The following PPM1E variants were observed in gnomAD, a reference collection of about 807,000 sequenced individuals.
PPM1E encodes the protein protein phosphatase, Mg2+/Mn2+ dependent 1E.
PPM1E carries 20 observed loss-of-function variants against 65.9 expected under a neutral mutation model. The observed-to-expected ratio is 0.30, with a 90% confidence interval of 0.21 to 0.44. The LOEUF is 0.44. Ranked by LOEUF, PPM1E falls within the 20% of genes least tolerant of loss-of-function variation. The pLI, the probability that PPM1E is intolerant of heterozygous loss-of-function variation, is 1.00. For missense variants in PPM1E, 713 were observed against 953.1 expected (o/e 0.75, Z 3.32); for synonymous variants, 352 against 374.9 (o/e 0.94, Z 0.70).
At chr17:58,785,168 A>G (rs947073223) in intron 1 of PPM1E, among the ~76,000 whole-genome samples, 1 of 151,928 alleles carries the variant, frequency 6.6e-6, no homozygotes, top group Non-Finnish European at 1.5e-5. Flanking sequence ...TTGGAGTTCA[A>G]TTTGATTCTT....
chr17:58,870,777 C>T (rs1019507244), intron 1 of PPM1E, among the ~76,000 whole-genome samples: 1 of 152,142 alleles, frequency 6.6e-6, no homozygotes, highest in Admixed American at 6.6e-5. Context: ...AAACATGAAT[C>T]CAGCTTACGT....
At chr17:58,973,586 G>A (rs2030789545) in intron 6 of PPM1E, among the ~76,000 whole-genome samples, 1 of 151,752 alleles carries the variant, frequency 6.6e-6, no homozygotes, top group East Asian at 1.9e-4. Context: ...AGGCTGAAGA[G>A]GGTTTGAGCC....
intron 1 of PPM1E, among the ~76,000 whole-genome samples, chr17:58,796,935 G>T (rs766435851): frequency 6.6e-6 from 1 of 151,998 alleles, no homozygotes; most frequent in Non-Finnish European, 1.5e-5. Flanking sequence ...GTGAAACCCC[G>T]TCTCTACTAA....
At chr17:58,756,796 C>G (rs1472124059) in intron 1 of PPM1E, among the ~76,000 whole-genome samples, 2 of 152,212 alleles carry the variant, frequency 1.3e-5, no homozygotes, top group East Asian at 3.9e-4. Context: ...CGCAACCTTT[C>G]CCTTTCCTGC....
At chr17:58,846,900 T>G (rs2050777409) in intron 1 of PPM1E, among the ~76,000 whole-genome samples, 1 of 152,164 alleles carries the variant, frequency 6.6e-6, no homozygotes, top group Non-Finnish European at 1.5e-5. Context: ...TGTAAAAGTG[T>G]TCCTATTTCT....
rs79690709 is a variant in PPM1E, at chr17:58,865,915, C to G, written c.465-89734C>G. Among the ~76,000 whole-genome samples, 15 of 152,224 alleles carry G rather than the reference C, an allele frequency of 9.9e-5. 1 individual carries two copies. The East Asian group carries it at 2.9e-3, about 29-fold the overall frequency. On this transcript the variant is annotated intron_variant, in intron 1 of 6. Coordinates refer to ENST00000308249, the MANE Select transcript of PPM1E (RefSeq NM_014906.5). The stretch of plus-strand genomic sequence containing the variant: ...ATCTAAACAGCATTATTTGCTGAGA[C>G]AAAGAAGGCCATAGGTAAAGGGCCA...
At chr17:58,794,025 C>G (rs144584741) in intron 1 of PPM1E, among the ~76,000 whole-genome samples, 40 of 152,160 alleles carry the variant, frequency 2.6e-4, no homozygotes, top group African/African-American at 7.2e-4. Flanking sequence ...TCACTACAAC[C>G]TCCGCGTCCT....
At chr17:58,921,225 A>G (rs2051746033) in intron 1 of PPM1E, among the ~76,000 whole-genome samples, 1 of 152,246 alleles carries the variant, frequency 6.6e-6, no homozygotes, top group Non-Finnish European at 1.5e-5. Context: ...GTTTGATTGT[A>G]AAGGGCAGCA....
chr17:58,824,654 T>C (rs902661514), intron 1 of PPM1E, among the ~76,000 whole-genome samples: 7 of 151,724 alleles, frequency 4.6e-5, no homozygotes, highest in Non-Finnish European at 7.4e-5. Flanking sequence ...AGTGGCGTGA[T>C]CTCAGCTCAC....
At chr17:58,824,628 G>A (rs200268926) in intron 1 of PPM1E, among the ~76,000 whole-genome samples, 4 of 149,148 alleles carry the variant, frequency 2.7e-5, no homozygotes, top group Admixed American at 6.7e-5. Flanking sequence ...CTCGCTCGTC[G>A]CCCAGGCTGG....
intron 1 of PPM1E, among the ~76,000 whole-genome samples, chr17:58,863,983 G>A (rs2050971983): frequency 6.6e-6 from 1 of 151,800 alleles, no homozygotes; most frequent in Non-Finnish European, 1.5e-5. Context: ...AAATGGGGAT[G>A]TGAAGTTCTC....
rs565817042 is a variant in PPM1E, at chr17:58,949,856, T to C, written c.465-5793T>C. Among the ~76,000 whole-genome samples, 9 of 152,354 alleles carry C rather than the reference T, an allele frequency of 5.9e-5. No individual in the cohort carries two copies. The South Asian group carries it at 1.7e-3, about 28-fold the overall frequency. ...GAAAGATTTTATTTCTCCTTCATTT[T>C]TGAAGAATAGCTTTCCTGGGTATAA... On this transcript the variant is annotated intron_variant, in intron 1 of 6. Coordinates refer to ENST00000308249, the MANE Select transcript of PPM1E (RefSeq NM_014906.5).
At position 58,755,947 on chromosome 17, in the gene PPM1E, C is replaced by T. The variant is rs766969519; in HGVS notation, c.-51C>T. On this transcript the variant is annotated 5_prime_UTR_variant, in exon 1 of 7. Coordinates refer to ENST00000308249, the MANE Select transcript of PPM1E (RefSeq NM_014906.5). ...GGCTCAAAAGCAGCCCCTTACCCTT[C>T]CTGGGCTTCCCCCAACCCCTTTCCC... is the stretch of plus-strand genomic sequence containing the variant. The T allele has an allele frequency of 6.2e-7, 1 of 1,611,256 alleles. No homozygotes were observed. The highest frequency in any genetic ancestry group is 1.1e-5 in the South Asian group (1 of 90,620).
At chr17:58,868,837 A>G (rs2051037254) in intron 1 of PPM1E, among the ~76,000 whole-genome samples, 2 of 152,238 alleles carry the variant, frequency 1.3e-5, no homozygotes, top group Non-Finnish European at 2.9e-5. Flanking sequence ...TTTCTTTATT[A>G]TAATTGCTAA....
At chr17:58,813,264 G>A (rs2050386881) in intron 1 of PPM1E, among the ~76,000 whole-genome samples, 1 of 151,998 alleles carries the variant, frequency 6.6e-6, no homozygotes, top group Non-Finnish European at 1.5e-5. Flanking sequence ...TTTTGCCTTG[G>A]CTACCTTGTA....
rs1355575171 is a variant in PPM1E, at chr17:58,815,335, C to T, written c.464+58874C>T. Among the ~76,000 whole-genome samples the T allele has an allele frequency of 3.3e-5, 5 of 152,224 alleles. No individual in the cohort carries two copies. The East Asian group carries it at 9.6e-4, about 29-fold the overall frequency. The stretch of plus-strand genomic sequence containing the variant: ...ACTATTTGGTGTCTTATGTGATTTG[C>T]TACTATTTGTAAACTAAAATTTTTA... On this transcript the variant is annotated intron_variant, in intron 1 of 6. Coordinates refer to ENST00000308249, the MANE Select transcript of PPM1E (RefSeq NM_014906.5).
chr17:58,914,379 C>T (rs148149847), intron 1 of PPM1E, among the ~76,000 whole-genome samples: 1 of 152,064 alleles, frequency 6.6e-6, no homozygotes, highest in Non-Finnish European at 1.5e-5. Flanking sequence ...TTTATTTATT[C>T]TTTTGCAGTC....
chr17:58,855,688 A>C (rs1221916768), intron 1 of PPM1E, among the ~76,000 whole-genome samples: 3 of 152,172 alleles, frequency 2.0e-5, no homozygotes, highest in African/African-American at 7.2e-5. Flanking sequence ...CTTAAAGATA[A>C]ATTTTTTAAA....
chr17:58,865,869 A>G (rs1567857836), intron 1 of PPM1E, among the ~76,000 whole-genome samples: 1 of 152,356 alleles, frequency 6.6e-6, no homozygotes, highest in Admixed American at 6.5e-5. Context: ...GAAAATTTAC[A>G]TCCCTAGGCA....
Sources: gnomAD v4.1 joint callset for allele counts (sites outside exome capture counted in the v4.1 genomes callset) on GRCh38, gnomAD v4.1.1 for gene constraint, MANE v1.5 for transcripts, NCBI Gene and HGNC (gene_info 2026-07-23, HGNC 2026-07-21) for gene names.